The following OMA1 variants were observed in gnomAD, a reference collection of about 807,000 sequenced individuals.
OMA1 encodes metalloendopeptidase OMA1, mitochondrial.
Under a neutral mutation model 30.9 loss-of-function variants are expected in OMA1, and 38 were observed. The observed-to-expected ratio is 1.23, with a 90% CI of 0.95 to 1.61. OMA1 has a LOEUF of 1.61. Ranked by LOEUF, OMA1 falls within the 40% of genes most tolerant of loss-of-function variation. The pLI is 0.00. For missense variants in OMA1, 461 were observed against 349.2 expected (o/e 1.32, Z -2.55); for synonymous variants, 173 against 121.9 (o/e 1.42, Z -2.76).
chr1:58,497,336 G>A (rs1432594499), intron 8 of OMA1, among the ~76,000 whole-genome samples: 1 of 152,128 alleles, frequency 6.6e-6, no homozygotes, highest in African/African-American at 2.4e-5. Flanking sequence ...CAGGCCAACT[G>A]TAACACTGCT....
intron 8 of OMA1, among the ~76,000 whole-genome samples, chr1:58,488,512 C>T (rs868453460): frequency 6.6e-6 from 1 of 152,106 alleles, no homozygotes; most frequent in Non-Finnish European, 1.5e-5. Context: ...AGTGCAATGG[C>T]GCGATCTCAG....
intron 8 of OMA1, among the ~76,000 whole-genome samples, chr1:58,498,289 T>C (rs918030588): frequency 2.0e-5 from 3 of 152,094 alleles, no homozygotes; most frequent in African/African-American, 7.2e-5. Context: ...TCCTCTACCA[T>C]TTTTGCATTC....
At chr1:58,494,561 C>T (rs1244930082) in intron 8 of OMA1, among the ~76,000 whole-genome samples, 1 of 152,132 alleles carries the variant, frequency 6.6e-6, no homozygotes, top group South Asian at 2.1e-4. Context: ...TGAACTCAAA[C>T]AAATTTACAA....
At chr1:58,508,104 C>T (rs1055989104) in intron 7 of OMA1, among the ~76,000 whole-genome samples, 6 of 151,944 alleles carry the variant, frequency 3.9e-5, no homozygotes, top group African/African-American at 1.5e-4. Context: ...ATTTGATATG[C>T]AGAAATAGAA....
At chr1:58,494,420 G>A (rs945889008) in intron 8 of OMA1, among the ~76,000 whole-genome samples, 2 of 151,598 alleles carry the variant, frequency 1.3e-5, no homozygotes, top group Non-Finnish European at 2.9e-5. Context: ...TGATAAATGG[G>A]ATCTAATTAA....
chr1:58,500,563 T>C (rs1351733152), intron 8 of OMA1, among the ~76,000 whole-genome samples: 2 of 152,218 alleles, frequency 1.3e-5, no homozygotes, highest in Admixed American at 1.3e-4. Flanking sequence ...GTGATTCTGA[T>C]ATCTAAAAAT....
chr1:58,546,299 T>G (rs1016172817), intron 1 of OMA1, among the ~76,000 whole-genome samples: 10 of 152,186 alleles, frequency 6.6e-5, no homozygotes, highest in African/African-American at 2.4e-4. Flanking sequence ...AGGTGCCGGG[T>G]GAGGAGCCCG....
At chr1:58,530,026 G>C (rs955302206) in intron 6 of OMA1, among the ~76,000 whole-genome samples, 2 of 151,698 alleles carry the variant, frequency 1.3e-5, no homozygotes, top group Admixed American at 1.3e-4. Flanking sequence ...GACTACAGGC[G>C]CCCGCCACAA....
intron 1 of OMA1, among the ~76,000 whole-genome samples, chr1:58,539,997 T>C (rs1646580226): frequency 6.6e-6 from 1 of 152,152 alleles, no homozygotes; most frequent in Non-Finnish European, 1.5e-5. Context: ...GAGTCCTGTC[T>C]GGGCATATGT....
At position 58,480,978 on chromosome 1, in the gene OMA1, C is replaced by A. The variant is rs779417301; in HGVS notation, c.1562G>T (p.Arg521Ile). 2 of 863,046 alleles carry A rather than the reference C, an allele frequency of 2.3e-6. No homozygotes were observed. Among genetic ancestry groups the A allele is most frequent in the South Asian group, 1.3e-5 (1 of 75,008 alleles). The allele number at this position is 863,046 out of a possible 1,614,324, so 53.5% of individuals were successfully genotyped here. A position where few individuals can be genotyped will look rare whatever the true frequency, so the allele number is the denominator to read the frequency against. ...QIPLTYIVEK[R>I]TGS ...ATAAATTTTAATTCAACTGCCCGTT[C>A]TTTTCTCAACTATGTATGTTAATGG... The change falls in exon 9 of 9, where the codon AGA (arginine) becomes ATA (isoleucine). Residue 521 changes from arginine to isoleucine, a missense_variant. Arg to Ile is a moderately conservative substitution (Grantham distance 97). Coordinates refer to ENST00000371226, the MANE Select transcript of OMA1 (RefSeq NM_145243.5).
At chr1:58,523,848 G>A (rs770805067) in intron 7 of OMA1, among the ~76,000 whole-genome samples, 1 of 151,414 alleles carries the variant, frequency 6.6e-6, no homozygotes, top group Non-Finnish European at 1.5e-5. Context: ...GCAGTGAGCC[G>A]AGATCACACC....
chr1:58,480,893 T>G lies in OMA1; in HGVS notation c.*72A>C. On this transcript the variant is annotated 3_prime_UTR_variant, in exon 9 of 9. Transcript: ENST00000371226. ...TTTTTTTTTTCACTTCAAACATCAT[T>G]TTTTAAAAAGTAACATAAAATGATA... is the stretch of plus-strand genomic sequence containing the variant. The G allele has an allele frequency of 1.4e-6, 1 of 740,554 alleles. No homozygotes were observed. The highest frequency in any genetic ancestry group is 1.9e-5 in the South Asian group (1 of 53,952). 45.9% of individuals were successfully genotyped at this position (740,554 alleles called of 1,614,324 possible).
chr1:58,509,051 T>C (rs577428289), intron 7 of OMA1, among the ~76,000 whole-genome samples: 1 of 152,222 alleles, frequency 6.6e-6, no homozygotes, highest in South Asian at 2.1e-4. Flanking sequence ...GTTCTGGGAA[T>C]CTCTGCTGTG....
chr1:58,521,900 A>T (rs562518706), intron 7 of OMA1, among the ~76,000 whole-genome samples: 1 of 152,172 alleles, frequency 6.6e-6, no homozygotes, highest in Non-Finnish European at 1.5e-5. Context: ...CACTTCCCTG[A>T]TCAATTTTAT....
Position 58,538,494 on chromosome 1 carries a change from A to G in OMA1, c.500+301T>C, listed in dbSNP as rs184430696. Among the ~76,000 whole-genome samples the G allele has an allele frequency of 8.2e-3, 1,252 of 152,174 alleles. 3 individuals are homozygous for G. The highest frequency in any genetic ancestry group is 0.012 in the Non-Finnish European group (817 of 67,980). On this transcript the variant is annotated intron_variant, in intron 2 of 8. Coordinates refer to ENST00000371226, the MANE Select transcript of OMA1 (RefSeq NM_145243.5). ...AAGATTTTGTAGTCATAAATATAAG[A>G]TTTTTTTAATGCCTATACAAAATGT...
At chr1:58,536,427 A>C (rs1308770151) in intron 3 of OMA1, 86 bp downstream of exon 3, 8 of 684,916 alleles carry the variant, frequency 1.2e-5, no homozygotes, top group Non-Finnish European at 1.8e-5. Context: ...AAAATTAAAA[A>C]ACAACATATC....
chr1:58,489,301 C>A (rs1033128282), intron 8 of OMA1, among the ~76,000 whole-genome samples: 1 of 152,214 alleles, frequency 6.6e-6, no homozygotes, highest in African/African-American at 2.4e-5. Flanking sequence ...TTATATCCCA[C>A]GCCTGGCTCA....
chr1:58,493,201 T>TA (rs1645731233), intron 8 of OMA1, among the ~76,000 whole-genome samples: 1 of 151,878 alleles, frequency 6.6e-6, no homozygotes, highest in African/African-American at 2.4e-5. Context: ...AAAAGGCCTT[T>TA]GACAAAATTC....
chr1:58,507,125 A>T (rs1180968332), intron 7 of OMA1, among the ~76,000 whole-genome samples: 1 of 151,974 alleles, frequency 6.6e-6, no homozygotes, highest in African/African-American at 2.4e-5. Context: ...TATAATTAAA[A>T]TTATTTTTAA....
Sources: allele counts gnomAD v4.1 joint callset (sites outside exome capture counted in the v4.1 genomes callset), GRCh38; gene constraint gnomAD v4.1.1; transcripts MANE v1.5; gene names NCBI Gene and HGNC (gene_info 2026-07-23, HGNC 2026-07-21).